Variants in DAB1 observed in about 807,000 individuals in gnomAD.
The protein encoded by DAB1 is disabled homolog 1.
In DAB1, 15 loss-of-function variants were observed where a neutral mutation model predicts 64.6. The observed-to-expected ratio is 0.23, with a 90% CI of 0.16 to 0.36. The LOEUF is 0.36. Among genes scored for constraint, DAB1 ranks in the 10% least tolerant of loss-of-function variants. The pLI is 1.00. For synonymous variants in DAB1, 235 were observed against 251.9 expected, an observed-to-expected ratio of 0.93 and a Z score of 0.64; for missense variants, 596 against 706.7, an observed-to-expected ratio of 0.84 and a Z score of 1.78.
In DAB1 at chr1:57,233,265, T is replaced by TC. The variant is rs937651854; in HGVS notation, c.67+57698_67+57699insG. On this transcript the variant is annotated intron_variant, in intron 2 of 14. Transcript: ENST00000371236. ...AGCTTTGCTCCGATTCTTTTTTTTT[T>TC]TTTTTTTTTTTTTTTGAGACGGAGT... 7.7e-5 allele frequency among the ~76,000 whole-genome samples: 6 copies of TC among 78,188 alleles called. 1 individual carries two copies. Among genetic ancestry groups the TC allele is most frequent in the African/African-American group, 2.2e-4 (6 of 27,686 alleles). 51.3% of individuals were successfully genotyped at this position (78,188 alleles called of 152,430 possible).
intron 3 of DAB1, among the ~76,000 whole-genome samples, chr1:58,410,147 A>G (rs774568378): frequency 1.3e-5 from 2 of 152,018 alleles, no homozygotes; most frequent in Non-Finnish European, 2.9e-5. Context: ...CCGCCCCTCC[A>G]CTTCATCAGC....
At chr1:57,857,900 C>T (rs568913578) in intron 1 of DAB1, among the ~76,000 whole-genome samples, 5 of 144,232 alleles carry the variant, frequency 3.5e-5, no homozygotes, top group Non-Finnish European at 7.6e-5. Context: ...TAGAAGTAAT[C>T]TGGTCCAAGG....
intron 5 of DAB1, among the ~76,000 whole-genome samples, chr1:58,118,540 CAT>C (rs1211032372): frequency 1.4e-5 from 1 of 71,952 alleles, no homozygotes; most frequent in Non-Finnish European, 2.6e-5. Flanking sequence ...ATATAAAATA[CAT>C]ATATATACAT....
chr1:57,232,324 TAGAC>T (rs1667744622), intron 2 of DAB1, among the ~76,000 whole-genome samples: 1 of 128,744 alleles, frequency 7.8e-6, no homozygotes, highest in East Asian at 2.3e-4. Flanking sequence ...CTCATTGAAA[TAGAC>T]AGGAAAGTCA....
chr1:58,330,296 G>A (rs1023848718), intron 4 of DAB1, among the ~76,000 whole-genome samples: 6 of 152,198 alleles, frequency 3.9e-5, no homozygotes, highest in African/African-American at 1.2e-4. Flanking sequence ...TTCTATGAAG[G>A]CTGAAAGAAG....
At chr1:58,288,395 A>G (rs903701241) in intron 4 of DAB1, among the ~76,000 whole-genome samples, 1 of 152,234 alleles carries the variant, frequency 6.6e-6, no homozygotes, top group Non-Finnish European at 1.5e-5. Context: ...ATTTTCCAGT[A>G]TGGCTGGAAA....
intron 3 of DAB1, among the ~76,000 whole-genome samples, chr1:58,390,521 G>A (rs76784401): frequency 0.027 from 4,182 of 152,288 alleles, 196 homozygotes; most frequent in African/African-American, 0.096. Context: ...GAACGCAATC[G>A]TGGAGTCAGG....
chr1:57,138,693 G>A (rs1658336037), intron 3 of DAB1, among the ~76,000 whole-genome samples: 1 of 152,186 alleles, frequency 6.6e-6, no homozygotes, highest in African/African-American at 2.4e-5. Context: ...GCCAAAGTAT[G>A]TCTTTGGAAT....
intron 3 of DAB1, chr1:58,480,867 CTTTTT>C (rs67922378): frequency 3.4e-6 from 2 of 583,774 alleles, no homozygotes; most frequent in African/African-American, 3.8e-5. Flanking sequence ...CCTGAATATC[CTTTTT>C]TTTTTCACTT....
At chr1:57,316,017 C>T (rs930015187) in intron 1 of DAB1, among the ~76,000 whole-genome samples, 1 of 152,100 alleles carries the variant, frequency 6.6e-6, no homozygotes, top group African/African-American at 2.4e-5. Context: ...GTATTACCAC[C>T]CCAATTTAAA....
chr1:57,374,076 C>T (rs1680710601), intron 1 of DAB1, among the ~76,000 whole-genome samples: 2 of 152,146 alleles, frequency 1.3e-5, no homozygotes, highest in Admixed American at 1.3e-4. Flanking sequence ...GAATTTGAAT[C>T]TGCTGACACA....
chr1:57,399,331 T>A (rs1683057935), intron 1 of DAB1, among the ~76,000 whole-genome samples: 1 of 152,210 alleles, frequency 6.6e-6, no homozygotes, highest in Non-Finnish European at 1.5e-5. Flanking sequence ...TAATAAATAC[T>A]GAATAAGACC....
chr1:58,252,866 G>A (rs938172101), intron 4 of DAB1, among the ~76,000 whole-genome samples: 6 of 152,202 alleles, frequency 3.9e-5, no homozygotes, highest in African/African-American at 9.6e-5. Flanking sequence ...ACCCAGAACT[G>A]TAGATCGCCA....
In DAB1 at chr1:57,772,023, C is replaced by T. The variant is rs142241228; in HGVS notation, n.551+111976G>A. 2.6e-3 allele frequency among the ~76,000 whole-genome samples: 402 copies of T among 152,116 alleles called. 2 individuals carry two copies. The highest frequency in any genetic ancestry group is 9.3e-3 in the African/African-American group (386 of 41,528). On this transcript the variant is annotated intron_variant and non_coding_transcript_variant, in intron 6 of 20. Coordinates refer to the DAB1 transcript ENST00000485760. ...TTGTTGCTGTGGTTTGAATGTGTCCCCCAAAAAGACTGCATTGGAAACTTA... is the reference window on the plus strand; with the variant it reads ...TTGTTGCTGTGGTTTGAATGTGTCCTCCAAAAAGACTGCATTGGAAACTTA...
At chr1:58,411,398 A>T (rs1212912460) in intron 3 of DAB1, among the ~76,000 whole-genome samples, 1 of 152,234 alleles carries the variant, frequency 6.6e-6, no homozygotes, top group African/African-American at 2.4e-5. Flanking sequence ...TGAAGCTGGC[A>T]TATTACAAGC....
intron 4 of DAB1, among the ~76,000 whole-genome samples, chr1:58,294,865 C>CGTGTGTGTGTGTGTGTGT (rs55922554): frequency 6.3e-4 from 87 of 137,722 alleles, no homozygotes; most frequent in East Asian, 2.8e-3. Context: ...TGGTCCAGAA[C>CGTGTGTGTGTGTGTGTGT]GTGTGTGTGT....
intron 6 of DAB1, among the ~76,000 whole-genome samples, chr1:57,803,012 C>T (rs1169165870): frequency 6.6e-6 from 1 of 152,132 alleles, no homozygotes; most frequent in Non-Finnish European, 1.5e-5. Flanking sequence ...AGGTGTGTCT[C>T]TGAAGCTGGG....
At chr1:57,390,224 T>G (rs549580346) in intron 1 of DAB1, among the ~76,000 whole-genome samples, 3 of 152,198 alleles carry the variant, frequency 2.0e-5, no homozygotes, top group African/African-American at 7.2e-5. Context: ...GAAAAGAATA[T>G]GGAATTTGAA....
At chr1:57,013,119 C>A (rs1391984952) in intron 12 of DAB1, among the ~76,000 whole-genome samples, 1 of 152,230 alleles carries the variant, frequency 6.6e-6, no homozygotes. Flanking sequence ...AATGGGACAG[C>A]CTCTGAAACA....
Sources: allele counts gnomAD v4.1 joint callset (sites outside exome capture counted in the v4.1 genomes callset), GRCh38; gene constraint gnomAD v4.1.1; transcripts MANE v1.5; gene names NCBI Gene and HGNC (gene_info 2026-07-23, HGNC 2026-07-21).